The following HPSE2 variants were observed in gnomAD, a reference collection of about 807,000 sequenced individuals.
HPSE2 encodes the protein inactive heparanase-2.
A neutral mutation model predicts 60.5 loss-of-function variants in HPSE2; 38 were observed. The observed-to-expected ratio is 0.63, with a 90% CI of 0.48 to 0.82. The LOEUF (loss-of-function observed/expected upper bound fraction) is 0.82. HPSE2 is among the 40% of genes least tolerant of loss of function. The pLI, the probability that HPSE2 is intolerant of heterozygous loss-of-function variation, is 0.00. For synonymous variants in HPSE2, 295 were observed against 293.2 expected (o/e 1.01, Z -0.06); for missense variants, 713 against 740.4 (o/e 0.96, Z 0.43).
chr10:98,595,597 T>C (rs1386229095), intron 9 of HPSE2, among the ~76,000 whole-genome samples: 1 of 152,234 alleles, frequency 6.6e-6, no homozygotes, highest in Admixed American at 6.5e-5. Context: ...CTAATGGTTT[T>C]TTTAGTGGAG....
intron 3 of HPSE2, among the ~76,000 whole-genome samples, chr10:99,089,464 G>A (rs1843438826): frequency 6.6e-6 from 1 of 152,044 alleles, no homozygotes; most frequent in African/African-American, 2.4e-5. Context: ...TTGCTTTGTT[G>A]AAGATCAGTT....
At chr10:99,308,647 T>G in the HPSE2 span, among the ~76,000 whole-genome samples, 2 of 152,196 alleles carry the variant, frequency 1.3e-5, no homozygotes, top group Non-Finnish European at 2.9e-5. Flanking sequence ...TTATTATTTT[T>G]GCATCACTTT....
intron 3 of HPSE2, among the ~76,000 whole-genome samples, chr10:98,767,553 ATATG>A (rs1372944781): frequency 6.8e-6 from 1 of 147,332 alleles, no homozygotes; most frequent in Non-Finnish European, 1.5e-5. Context: ...GTATATACAT[ATATG>A]TATATTATGT....
intron 3 of HPSE2, among the ~76,000 whole-genome samples, chr10:99,131,194 T>G (rs1187115105): frequency 6.6e-6 from 1 of 152,170 alleles, no homozygotes; most frequent in Non-Finnish European, 1.5e-5. Context: ...CATACCTCAA[T>G]GTAATAAAAG....
At chr10:98,571,599 T>C (rs1162564872) in intron 9 of HPSE2, among the ~76,000 whole-genome samples, 2 of 149,408 alleles carry the variant, frequency 1.3e-5, no homozygotes, top group Non-Finnish European at 3.0e-5. Flanking sequence ...AACATATCCA[T>C]AGTAGACCTA....
At chr10:98,696,451 C>T (rs1217828738) in intron 5 of HPSE2, among the ~76,000 whole-genome samples, 1 of 152,066 alleles carries the variant, frequency 6.6e-6, no homozygotes. Flanking sequence ...CTGAGAGCCA[C>T]ACAGGGCAGG....
chr10:99,167,816 T>C (rs933138556), intron 2 of HPSE2, among the ~76,000 whole-genome samples: 5 of 152,156 alleles, frequency 3.3e-5, no homozygotes, highest in African/African-American at 1.2e-4. Context: ...GTTTAATCTA[T>C]AGGTCACATC....
At chr10:99,247,279 C>T in the HPSE2 span, among the ~76,000 whole-genome samples, 1 of 152,216 alleles carries the variant, frequency 6.6e-6, no homozygotes, top group African/African-American at 2.4e-5. Context: ...TGGTAAAGAT[C>T]ACTTCCCAGG....
At chr10:99,073,617 A>G (rs1589612692) in intron 3 of HPSE2, among the ~76,000 whole-genome samples, 1 of 152,290 alleles carries the variant, frequency 6.6e-6, no homozygotes, top group Non-Finnish European at 1.5e-5. Context: ...CTGCACATGA[A>G]CCCTGGAACT....
At chr10:98,696,672 A>T (rs1948228836) in intron 5 of HPSE2, among the ~76,000 whole-genome samples, 3 of 152,210 alleles carry the variant, frequency 2.0e-5, no homozygotes, top group Admixed American at 1.3e-4. Context: ...ACCTCCCAGG[A>T]GGAGGGGTGA....
rs74232616 is a variant in HPSE2 at position 98,949,957 on chromosome 10, A to G, written c.610+194281T>C. 1.4e-4 allele frequency among the ~76,000 whole-genome samples: 22 copies of G among 152,312 alleles called. No homozygotes were observed. In the East Asian group the frequency reaches 3.7e-3, roughly 25 times the overall value. ...GCATTTATGTCAAGTTGAAACTTTA[A>G]AAATATCAAGTTTTCTTTATTAAGT... On this transcript the variant is annotated intron_variant, in intron 3 of 11. Coordinates refer to ENST00000370552, the MANE Select transcript of HPSE2 (RefSeq NM_021828.5).
At chr10:98,739,791 T>TA (rs1949450979) in intron 4 of HPSE2, among the ~76,000 whole-genome samples, 1 of 152,338 alleles carries the variant, frequency 6.6e-6, no homozygotes, top group African/African-American at 2.4e-5. Flanking sequence ...TGGGCAGATA[T>TA]ATTTGGGAAG....
At chr10:99,023,508 G>A (rs1957310230) in intron 3 of HPSE2, among the ~76,000 whole-genome samples, 1 of 152,112 alleles carries the variant, frequency 6.6e-6, no homozygotes. Flanking sequence ...GAACATAGGA[G>A]TAGCCAGGGA....
intron 9 of HPSE2, among the ~76,000 whole-genome samples, chr10:98,586,317 C>A (rs1366073014): frequency 3.3e-5 from 5 of 152,150 alleles, no homozygotes; most frequent in Admixed American, 3.3e-4. Context: ...CCTCTTACCA[C>A]CAACAGCTAT....
intron 2 of HPSE2, among the ~76,000 whole-genome samples, chr10:99,220,664 G>A (rs1364461337): frequency 2.0e-5 from 3 of 151,946 alleles, no homozygotes; most frequent in East Asian, 2.0e-4. Flanking sequence ...TTATCTGGGC[G>A]TGGTGGCGCA....
chr10:98,789,743 A>G (rs971289944), intron 3 of HPSE2, among the ~76,000 whole-genome samples: 9 of 152,176 alleles, frequency 5.9e-5, no homozygotes, highest in African/African-American at 2.2e-4. Context: ...TTTTAAGGGA[A>G]ATATGAGCAG....
At chr10:98,636,045 T>C (rs575577831) in intron 7 of HPSE2, among the ~76,000 whole-genome samples, 23 of 151,832 alleles carry the variant, frequency 1.5e-4, no homozygotes, top group African/African-American at 3.9e-4. Context: ...GGAGTGGAGA[T>C]AGAAGAGGCT....
chr10:98,690,499 C>T (rs1948050564), intron 6 of HPSE2, among the ~76,000 whole-genome samples: 1 of 152,088 alleles, frequency 6.6e-6, no homozygotes, highest in South Asian at 2.1e-4. Context: ...AAGATCGTGC[C>T]ATTGCACTCC....
At chr10:98,811,483 A>G (rs565726809) in intron 3 of HPSE2, among the ~76,000 whole-genome samples, 1 of 152,284 alleles carries the variant, frequency 6.6e-6, no homozygotes, top group South Asian at 2.1e-4. Flanking sequence ...ACTAATGTCC[A>G]AGAGGATAGA....
Sources: allele counts gnomAD v4.1 joint callset (sites outside exome capture counted in the v4.1 genomes callset), GRCh38; gene constraint gnomAD v4.1.1; transcripts MANE v1.5; gene names NCBI Gene and HGNC (gene_info 2026-07-23, HGNC 2026-07-21).